Variants in RAD52 observed in about 807,000 individuals in gnomAD.
RAD52 encodes the protein DNA repair protein RAD52 homolog.
Under a neutral mutation model 55.5 loss-of-function variants are expected in RAD52, and 47 were observed. That is an observed-to-expected ratio of 0.85 (90% CI 0.67 to 1.08). RAD52 has a LOEUF of 1.08. Ranked by LOEUF, RAD52 falls within the 50% of genes least tolerant of loss-of-function variation. The pLI is 0.00. For synonymous variants in RAD52, 184 were observed against 198.9 expected (o/e 0.92, Z 0.63); for missense variants, 468 against 522.8 (o/e 0.90, Z 1.02).
intron 1 of RAD52, chr12:949,328 C>T (rs910996281): frequency 1.3e-5 from 2 of 152,288 alleles, no homozygotes; most frequent in Non-Finnish European, 2.9e-5. Context: ...CCACCACGGA[C>T]ACCTGGCTGT....
chr12:919,502 T>C (rs1319243474), intron 7 of RAD52, among the ~76,000 whole-genome samples: 1 of 151,926 alleles, frequency 6.6e-6, no homozygotes, highest in East Asian at 1.9e-4. Context: ...TCCCAGAACT[T>C]TGGGAGGCCA....
chr12:981,436 G>A (rs200364896), intron 1 of RAD52, among the ~76,000 whole-genome samples: 7 of 152,104 alleles, frequency 4.6e-5, no homozygotes, highest in South Asian at 2.1e-4. Context: ...GTCATTCTGC[G>A]GCAAAGTTCC....
chr12:916,205 C>T (rs1956361856), intron 9 of RAD52, 139 bp downstream of exon 9: 17 of 1,459,594 alleles, frequency 1.2e-5, no homozygotes, highest in Middle Eastern at 2.5e-4. Context: ...GCTCATCTCT[C>T]CTGCGTGTAG....
intron 1 of RAD52, among the ~76,000 whole-genome samples, chr12:979,200 G>A (rs1958976430): frequency 6.6e-6 from 1 of 152,176 alleles, no homozygotes; most frequent in African/African-American, 2.4e-5. Context: ...AGCACTGTGG[G>A]AGGCCGAGGT....
At chr12:924,411 A>G (rs1956912384) in intron 7 of RAD52, among the ~76,000 whole-genome samples, 1 of 151,798 alleles carries the variant, frequency 6.6e-6, no homozygotes, top group African/African-American at 2.4e-5. Flanking sequence ...CTCCGTCTCA[A>G]AAAAAAAAGT....
chr12:961,777 C>T (rs1463475890), intron 1 of RAD52, among the ~76,000 whole-genome samples: 1 of 152,052 alleles, frequency 6.6e-6, no homozygotes, highest in Admixed American at 6.6e-5. Context: ...GCAGTAGACT[C>T]GGTTGAGCCT....
chr12:914,057 CTTGACCACACCA>C lies in RAD52; in HGVS notation c.1020_1031del (p.Asp340_Lys344delinsGlu). 1.2e-6 allele frequency: 2 copies of C among 1,614,196 alleles called. No individual in the cohort carries two copies. Among genetic ancestry groups the C allele is most frequent in the Non-Finnish European group, 1.7e-6 (2 of 1,180,030 alleles). ...GGGCTGGGTCTGCTCTAGACGAGGG[CTTGACCACACCA>C]TCCCCTGCATCGGGAGTCACAGCCC... On this transcript the variant is annotated inframe_deletion, in exon 11 of 12. Transcript: ENST00000358495.
At chr12:967,473 G>A (rs1958785891) in intron 1 of RAD52, among the ~76,000 whole-genome samples, 1 of 151,800 alleles carries the variant, frequency 6.6e-6, no homozygotes, top group Non-Finnish European at 1.5e-5. Context: ...TAGCTCACTA[G>A]GTGGCTAGTG....
chr12:971,316 G>C (rs1958847843), intron 1 of RAD52, among the ~76,000 whole-genome samples: 1 of 151,878 alleles, frequency 6.6e-6, no homozygotes, highest in South Asian at 2.1e-4. Context: ...CATAGTCATT[G>C]AGCCAGAAAA....
chr12:973,782 C>CTTT (rs750425355), intron 1 of RAD52, among the ~76,000 whole-genome samples: 40 of 113,488 alleles, frequency 3.5e-4, no homozygotes, highest in East Asian at 2.6e-4. Context: ...CCCAGTCCTT[C>CTTT]TTTTTTTTTT....
intron 1 of RAD52, among the ~76,000 whole-genome samples, chr12:943,069 C>T (rs57585098): frequency 2.6e-5 from 4 of 152,198 alleles, no homozygotes; most frequent in African/African-American, 9.6e-5. Context: ...TTGTCATGGG[C>T]ACAGGAAAAA....
At chr12:959,829 G>C (rs889535089) in intron 1 of RAD52, among the ~76,000 whole-genome samples, 1 of 152,118 alleles carries the variant, frequency 6.6e-6, no homozygotes, top group Non-Finnish European at 1.5e-5. Flanking sequence ...CTGGCTTCTG[G>C]GTGGTTAAGC....
chr12:966,601 T>TA (rs1449650236), intron 1 of RAD52, among the ~76,000 whole-genome samples: 2 of 152,074 alleles, frequency 1.3e-5, no homozygotes, highest in Non-Finnish European at 1.5e-5. Context: ...ATTCCTGACT[T>TA]ACAGTCAGTG....
At chr12:947,426 T>C (rs1236233001) in intron 1 of RAD52, among the ~76,000 whole-genome samples, 1 of 150,870 alleles carries the variant, frequency 6.6e-6, no homozygotes, top group Non-Finnish European at 1.5e-5. Flanking sequence ...GGCGGGTGGA[T>C]CACCTGAGGT....
At chr12:932,123 C>T (rs750131921) in intron 2 of RAD52, among the ~76,000 whole-genome samples, 21 of 152,210 alleles carry the variant, frequency 1.4e-4, no homozygotes, top group Middle Eastern at 3.4e-3. Flanking sequence ...TTTAGGAGGC[C>T]GAGGCAGGCA....
At chr12:936,276 C>T (rs1957624693) in intron 1 of RAD52, among the ~76,000 whole-genome samples, 1 of 151,972 alleles carries the variant, frequency 6.6e-6, no homozygotes, top group Non-Finnish European at 1.5e-5. Context: ...TGCATTCCAG[C>T]CTGGGCAATG....
At position 913,748 on chromosome 12, in the gene RAD52, A is replaced by G. The variant is rs553086541; in HGVS notation, c.1195+146T>C. 8 of 790,556 alleles carry G rather than the reference A, an allele frequency of 1.0e-5. No homozygotes were observed. In the East Asian group the frequency reaches 2.1e-4, roughly 21 times the overall value. 49.0% of individuals were successfully genotyped at this position (790,556 alleles called of 1,614,324 possible). ...AAGGAAACGTTCTGGCTCTTAAATC[A>G]ATTCTGTTCTACTTGCAGTACCATT... On this transcript the variant is annotated intron_variant, in intron 11 of 11. Transcript: ENST00000358495.
At chr12:947,859 C>A (rs1958332372) in intron 1 of RAD52, among the ~76,000 whole-genome samples, 1 of 146,776 alleles carries the variant, frequency 6.8e-6, no homozygotes, top group South Asian at 2.2e-4. Flanking sequence ...GCACTCCACC[C>A]TGGGCAACAA....
At chr12:953,574 T>A (rs1050739252), upstream of RAD52, among the ~76,000 whole-genome samples, 2 of 152,170 alleles carry the variant, frequency 1.3e-5, no homozygotes, top group African/African-American at 4.8e-5. Context: ...CATGAACATA[T>A]CCACTGTAGT....
Sources: allele counts gnomAD v4.1 joint callset (sites outside exome capture counted in the v4.1 genomes callset), GRCh38; gene constraint gnomAD v4.1.1; transcripts MANE v1.5; gene names NCBI Gene and HGNC (gene_info 2026-07-23, HGNC 2026-07-21).